Variants in PTPRD observed in about 807,000 individuals in gnomAD.
The protein encoded by PTPRD is protein tyrosine phosphatase receptor type D, also known as receptor-type tyrosine-protein phosphatase delta.
Under a neutral mutation model 214.5 loss-of-function variants are expected in PTPRD, and 34 were observed. That is an observed-to-expected ratio of 0.16 (90% CI 0.12 to 0.21). The LOEUF (loss-of-function observed/expected upper bound fraction) is 0.21, where lower values mean the gene tolerates loss of function less well. Among genes scored for constraint, PTPRD ranks in the 10% least tolerant of loss-of-function variants. The probability of loss-of-function intolerance (pLI) is 1.00; values close to 1 mark genes in which losing one functional copy is unlikely to be tolerated. For synonymous variants in PTPRD, 1,128 were observed against 845.7 expected, an observed-to-expected ratio of 1.33 and a Z score of -5.79; for missense variants, 2,545 against 2,398.7, an observed-to-expected ratio of 1.06 and a Z score of -1.27.
At chr9:8,991,864 T>C (rs1377967055) in intron 11 of PTPRD, among the ~76,000 whole-genome samples, 2 of 152,072 alleles carry the variant, frequency 1.3e-5, no homozygotes, top group African/African-American at 4.8e-5. Flanking sequence ...CAATGCCTAA[T>C]TTGTTAGAAT....
At chr9:9,479,218 C>A (rs945816212) in intron 8 of PTPRD, among the ~76,000 whole-genome samples, 3 of 24,518 alleles carry the variant, frequency 1.2e-4, no homozygotes, top group South Asian at 5.0e-3. Context: ...CACACACGCC[C>A]CCCCCCCCCC....
At chr9:9,539,114 T>A (rs626804) in intron 8 of PTPRD, among the ~76,000 whole-genome samples, 3 of 151,666 alleles carry the variant, frequency 2.0e-5, no homozygotes, top group African/African-American at 7.3e-5. Context: ...GGTGATGTAA[T>A]AAAATAATAG....
intron 3 of PTPRD, among the ~76,000 whole-genome samples, chr9:10,158,406 G>A (rs2099107002): frequency 6.6e-6 from 1 of 152,138 alleles, no homozygotes; most frequent in Non-Finnish European, 1.5e-5. Flanking sequence ...GCATTTTAGT[G>A]ATAACCCCCA....
chr9:9,265,976 G>A (rs561614244), intron 9 of PTPRD, among the ~76,000 whole-genome samples: 94 of 151,510 alleles, frequency 6.2e-4, no homozygotes, highest in African/African-American at 1.7e-3. Flanking sequence ...ATTATATGCC[G>A]TCTGTAAGAA....
At chr9:8,442,211 C>T (rs138724741) in intron 34 of PTPRD, among the ~76,000 whole-genome samples, 2 of 152,292 alleles carry the variant, frequency 1.3e-5, no homozygotes, top group Admixed American at 1.3e-4. Context: ...CAGAATATTT[C>T]TTAGAAGCTA....
intron 3 of PTPRD, among the ~76,000 whole-genome samples, chr9:10,107,709 A>C (rs955947057): frequency 6.6e-6 from 1 of 152,106 alleles, no homozygotes; most frequent in East Asian, 1.9e-4. Flanking sequence ...GTATCTGGTA[A>C]ATGACTTATA....
chr9:9,495,101 T>G (rs549902190), intron 8 of PTPRD, among the ~76,000 whole-genome samples: 61 of 152,234 alleles, frequency 4.0e-4, no homozygotes, highest in Non-Finnish European at 2.9e-5. Context: ...CTGGGAAGAC[T>G]AGATAGCCAC....
At chr9:9,019,915 G>T (rs1409259220) in intron 10 of PTPRD, among the ~76,000 whole-genome samples, 6 of 152,028 alleles carry the variant, frequency 3.9e-5, no homozygotes, top group African/African-American at 1.2e-4. Context: ...TGGAAATGAA[G>T]AAATTAACCT....
chr9:9,944,333 A>G (rs1271480913), intron 4 of PTPRD, among the ~76,000 whole-genome samples: 4 of 152,160 alleles, frequency 2.6e-5, no homozygotes, highest in African/African-American at 7.2e-5. Flanking sequence ...AACTCGATAC[A>G]ACATTTATTC....
At chr9:10,132,570 G>A (rs1030456162) in intron 3 of PTPRD, among the ~76,000 whole-genome samples, 15 of 152,098 alleles carry the variant, frequency 9.9e-5, no homozygotes, top group Admixed American at 3.3e-4. Flanking sequence ...ACACATACTT[G>A]GAGTGGAAAT....
At chr9:9,211,236 T>C (rs1440263155) in intron 9 of PTPRD, among the ~76,000 whole-genome samples, 1 of 152,134 alleles carries the variant, frequency 6.6e-6, no homozygotes, top group Middle Eastern at 3.2e-3. Flanking sequence ...ACTCTGAAGC[T>C]CAATTGTGTT....
At chr9:8,851,566 T>C (rs543039488) in intron 11 of PTPRD, among the ~76,000 whole-genome samples, 4 of 152,178 alleles carry the variant, frequency 2.6e-5, no homozygotes, top group Non-Finnish European at 4.4e-5. Context: ...TTAAGTCAAG[T>C]GGCAATCACT....
intron 2 of PTPRD, among the ~76,000 whole-genome samples, chr9:10,465,027 TA>T (rs1253513000): frequency 6.6e-6 from 1 of 152,192 alleles, no homozygotes; most frequent in Admixed American, 6.5e-5. Context: ...GGAATCCTGC[TA>T]ATTTAAAAGA....
chr9:10,392,528 T>C (rs2098088631), intron 2 of PTPRD, among the ~76,000 whole-genome samples: 1 of 151,874 alleles, frequency 6.6e-6, no homozygotes, highest in East Asian at 1.9e-4. Context: ...GTTTCACCTC[T>C]GCCTTTTACA....
intron 14 of PTPRD, among the ~76,000 whole-genome samples, chr9:8,584,452 G>GA (rs72547113): frequency 0.17 from 24,765 of 145,100 alleles, 2,317 homozygotes; most frequent in South Asian, 0.29. Flanking sequence ...ATTAGTTACT[G>GA]AAAAAAAAAA....
At chr9:10,414,341 T>C (rs1172835618) in intron 2 of PTPRD, among the ~76,000 whole-genome samples, 1 of 151,894 alleles carries the variant, frequency 6.6e-6, no homozygotes, top group African/African-American at 2.4e-5. Flanking sequence ...TGAAAAAAGC[T>C]CAATATTACT....
chr9:9,900,592 T>C (rs2076149953), intron 5 of PTPRD, among the ~76,000 whole-genome samples: 2 of 151,764 alleles, frequency 1.3e-5, no homozygotes, highest in South Asian at 4.2e-4. Flanking sequence ...TCCAAACTCT[T>C]CCAAAGTCGG....
At chr9:10,450,663 T>C (rs191816296) in intron 2 of PTPRD, among the ~76,000 whole-genome samples, 9 of 152,142 alleles carry the variant, frequency 5.9e-5, no homozygotes, top group Non-Finnish European at 1.3e-4. Flanking sequence ...TCTTGTTGTT[T>C]GGCAAATGTG....
intron 6 of PTPRD, among the ~76,000 whole-genome samples, chr9:9,755,521 A>T (rs544646032): frequency 6.6e-6 from 1 of 152,052 alleles, no homozygotes; most frequent in Non-Finnish European, 1.5e-5. Flanking sequence ...AAGGTTCACA[A>T]TCAGTTTTAT....
Sources: allele counts gnomAD v4.1 joint callset (sites outside exome capture counted in the v4.1 genomes callset), GRCh38; gene constraint gnomAD v4.1.1; transcripts MANE v1.5; gene names NCBI Gene and HGNC (gene_info 2026-07-23, HGNC 2026-07-21).